Variants in WDFY2 observed in about 807,000 individuals in gnomAD.
WDFY2 encodes WD repeat and FYVE domain containing 2, also known as WD repeat and FYVE domain-containing protein 2.
In WDFY2, 36 loss-of-function variants were observed where a neutral mutation model predicts 56.4. The ratio of observed to expected loss-of-function variants is 0.64; its 90% CI spans 0.49 to 0.84. The LOEUF (loss-of-function observed/expected upper bound fraction) is 0.84, where lower values mean the gene tolerates loss of function less well. WDFY2 is among the 40% of genes least tolerant of loss of function. The pLI, the probability that WDFY2 is intolerant of heterozygous loss-of-function variation, is 0.00. For synonymous variants in WDFY2, 176 were observed against 183.7 expected (o/e 0.96, Z 0.34); for missense variants, 444 against 512.2 (o/e 0.87, Z 1.29).
At position 51,682,492 on chromosome 13, in the gene WDFY2, G is replaced by A. The variant is rs188818666; in HGVS notation, c.279+7249G>A. On this transcript the variant is annotated intron_variant, in intron 3 of 11. Coordinates refer to ENST00000298125, the MANE Select transcript of WDFY2 (RefSeq NM_052950.4). ...ATATTTATAGACTGAATTAATGAGC[G>A]AGTAAATGAATGAATATAGTTTATT... 5.3e-5 allele frequency among the ~76,000 whole-genome samples: 8 copies of A among 152,254 alleles called. No homozygotes were observed. In the East Asian group the frequency reaches 1.5e-3, roughly 29 times the overall value.
intron 3 of WDFY2, among the ~76,000 whole-genome samples, chr13:51,694,408 G>C (rs1189406223): frequency 2.6e-5 from 4 of 152,110 alleles, no homozygotes; most frequent in Non-Finnish European, 4.4e-5. Flanking sequence ...GCATTTGCTT[G>C]TCTGTAAAGT....
At chr13:51,718,709 T>C (rs890973753) in intron 4 of WDFY2, among the ~76,000 whole-genome samples, 10 of 152,224 alleles carry the variant, frequency 6.6e-5, no homozygotes, top group Admixed American at 6.5e-4. Context: ...TCTAGAACTT[T>C]TGTATGGCTT....
intron 4 of WDFY2, among the ~76,000 whole-genome samples, chr13:51,716,907 C>T (rs376567251): frequency 6.6e-6 from 1 of 151,854 alleles, no homozygotes; most frequent in East Asian, 1.9e-4. Flanking sequence ...TAATCCATTA[C>T]GTCAACAGGT....
chr13:51,668,067 A>T (rs544952154), intron 2 of WDFY2, among the ~76,000 whole-genome samples: 1 of 151,166 alleles, frequency 6.6e-6, no homozygotes, highest in East Asian at 1.9e-4. Flanking sequence ...AATTTTTTGT[A>T]TTTTTAGTAG....
chr13:51,693,045 CTTTATCATTT>C (rs1951779689), intron 3 of WDFY2, among the ~76,000 whole-genome samples: 1 of 152,042 alleles, frequency 6.6e-6, no homozygotes, highest in African/African-American at 2.4e-5. Flanking sequence ...GTGATATCCC[CTTTATCATTT>C]TTTATTGCGT....
At chr13:51,734,701 C>T (rs186674287) in intron 6 of WDFY2, among the ~76,000 whole-genome samples, 19 of 152,260 alleles carry the variant, frequency 1.2e-4, no homozygotes, top group African/African-American at 4.6e-4. Flanking sequence ...AATAGAAGAC[C>T]TGTGCCCACT....
At chr13:51,743,763 C>T (rs533125282) in intron 7 of WDFY2, among the ~76,000 whole-genome samples, 4 of 152,174 alleles carry the variant, frequency 2.6e-5, no homozygotes, top group Non-Finnish European at 5.9e-5. Flanking sequence ...TGGCACCGTT[C>T]GCCAGTTTTA....
chr13:51,689,694 A>AC lies in WDFY2; in HGVS notation c.280-13901dup, dbSNP rs570992227. Among the ~76,000 whole-genome samples the AC allele has an allele frequency of 9.1e-4, 138 of 152,310 alleles. 1 individual carries two copies. The highest frequency in any genetic ancestry group is 3.0e-3 in the African/African-American group (124 of 41,568). ...GCATTTGACCGGAGAGGAAAAAGGC[A>AC]CGTACCCTCTGGGTTCCTGGGTGAA... On this transcript the variant is annotated intron_variant, in intron 3 of 11. Coordinates refer to ENST00000298125, the MANE Select transcript of WDFY2 (RefSeq NM_052950.4).
intron 1 of WDFY2, among the ~76,000 whole-genome samples, chr13:51,631,736 C>G (rs1448817834): frequency 1.3e-5 from 2 of 152,100 alleles, no homozygotes; most frequent in African/African-American, 4.8e-5. Context: ...GCCATGTTGC[C>G]CAGGCTGGTT....
chr13:51,698,887 G>T (rs1951928250), intron 3 of WDFY2, among the ~76,000 whole-genome samples: 1 of 152,172 alleles, frequency 6.6e-6, no homozygotes, highest in Non-Finnish European at 1.5e-5. Flanking sequence ...AGAAAATACT[G>T]TCAATTCACA....
intron 1 of WDFY2, among the ~76,000 whole-genome samples, chr13:51,629,389 T>C (rs1954905148): frequency 6.6e-6 from 1 of 152,224 alleles, no homozygotes; most frequent in Non-Finnish European, 1.5e-5. Context: ...TGAAGCATGG[T>C]ATATGAAAAG....
chr13:51,660,731 C>T, intron 2 of WDFY2, 68 bp downstream of exon 2: 1 of 1,392,460 alleles, frequency 7.2e-7, no homozygotes, highest in Non-Finnish European at 1.0e-6. Flanking sequence ...TCTGTATTTT[C>T]TTCTTAAGTA....
chr13:51,655,705 C>T (rs1004146457), intron 1 of WDFY2, among the ~76,000 whole-genome samples: 1 of 152,050 alleles, frequency 6.6e-6, no homozygotes, highest in Admixed American at 6.6e-5. Flanking sequence ...TTCTCCTCTT[C>T]CATTTTTCTG....
intron 7 of WDFY2, among the ~76,000 whole-genome samples, chr13:51,742,937 C>T (rs2138697008): frequency 6.6e-6 from 1 of 152,270 alleles, no homozygotes; most frequent in Non-Finnish European, 1.5e-5. Flanking sequence ...AGAAATAGGC[C>T]ACTTGTAAAT....
chr13:51,706,138 A>C (rs1489002197), intron 4 of WDFY2, among the ~76,000 whole-genome samples: 1 of 152,210 alleles, frequency 6.6e-6, no homozygotes, highest in Non-Finnish European at 1.5e-5. Context: ...ATTACAAAAA[A>C]TTGATAACTA....
intron 1 of WDFY2, among the ~76,000 whole-genome samples, chr13:51,614,635 C>T (rs530117090): frequency 1.3e-5 from 2 of 152,310 alleles, no homozygotes; most frequent in Non-Finnish European, 2.9e-5. Flanking sequence ...CACGTACCAG[C>T]TGTGCCTGTT....
chr13:51,756,745 G>T, intron 10 of WDFY2: 1 of 672,510 alleles, frequency 1.5e-6, no homozygotes, highest in Non-Finnish European at 1.8e-6. Context: ...CCTTCTGTCT[G>T]CTCATTTACT....
At chr13:51,688,371 T>G (rs1593413976) in intron 3 of WDFY2, among the ~76,000 whole-genome samples, 1 of 152,208 alleles carries the variant, frequency 6.6e-6, no homozygotes. Flanking sequence ...TCTTTGCTCA[T>G]AGAGATTCAA....
Position 51,760,160 on chromosome 13 carries a change from G to C in WDFY2, c.*391G>C, listed in dbSNP as rs1459601103. 1 of 165,978 alleles carries C rather than the reference G, an allele frequency of 6.0e-6. No homozygotes were observed. Among genetic ancestry groups the C allele is most frequent in the African/African-American group, 2.4e-5 (1 of 41,938 alleles). The allele number at this position is 165,978 out of a possible 1,614,324, so 10.3% of individuals were successfully genotyped here. ...GAGTATTTTGGTCATTATACTTTCT[G>C]TGTTTACTTCAACATGTGTCACGTG... On this transcript the variant is annotated 3_prime_UTR_variant, in exon 12 of 12. Transcript: ENST00000298125.
Sources: allele counts gnomAD v4.1 joint callset (sites outside exome capture counted in the v4.1 genomes callset), GRCh38; gene constraint gnomAD v4.1.1; transcripts MANE v1.5; gene names NCBI Gene and HGNC (gene_info 2026-07-23, HGNC 2026-07-21).